Variants in LRP2 observed in about 807,000 individuals in gnomAD.
The protein encoded by LRP2 is low-density lipoprotein receptor-related protein 2.
In LRP2, 172 loss-of-function variants were observed where a neutral mutation model predicts 531.0. The observed-to-expected ratio is 0.32, with a 90% CI of 0.29 to 0.37. The LOEUF (loss-of-function observed/expected upper bound fraction) is 0.37. Ranked by LOEUF, LRP2 falls within the 10% of genes least tolerant of loss-of-function variation. The pLI is 1.00. For synonymous variants in LRP2, 1,992 were observed against 2,027.6 expected (o/e 0.98, Z 0.47); for missense variants, 5,167 against 5,868.3 (o/e 0.88, Z 3.90).
At position 169,168,463 on chromosome 2, in the gene LRP2, C is replaced by T. The variant is rs562369969; in HGVS notation, c.11635+76G>A. ...CAATTGTACAACTGCTCTCCAGGCT[C>T]ACATGCTACACGTAAGAAACAATGA... On this transcript the variant is annotated intron_variant, in intron 61 of 78. Coordinates refer to ENST00000649046, the MANE Select transcript of LRP2 (RefSeq NM_004525.3). 87 of 1,570,724 alleles carry T rather than the reference C, an allele frequency of 5.5e-5. No homozygotes were observed. The East Asian group carries it at 6.9e-4, about 13-fold the overall frequency.
At chr2:169,194,244 G>T (rs1687928138) in intron 46 of LRP2, among the ~76,000 whole-genome samples, 1 of 152,028 alleles carries the variant, frequency 6.6e-6, no homozygotes, top group Non-Finnish European at 1.5e-5. Flanking sequence ...AAACCATTTT[G>T]TTTTGTGCAA....
chr2:169,169,404 G>A (rs1342030011), intron 60 of LRP2, among the ~76,000 whole-genome samples: 1 of 152,164 alleles, frequency 6.6e-6, no homozygotes, highest in Non-Finnish European at 1.5e-5. Flanking sequence ...TTTTTTACCT[G>A]AAATGTTTTT....
intron 4 of LRP2, among the ~76,000 whole-genome samples, chr2:169,303,181 T>C (rs191512754): frequency 1.5e-3 from 223 of 152,274 alleles, no homozygotes; most frequent in Non-Finnish European, 2.4e-3. Context: ...GCTTCTTTTG[T>C]ATATGTTAAA....
rs1688793248 is a variant in LRP2, at chr2:169,216,312, A to G, written c.5767T>C (p.Cys1923Arg). The G allele has an allele frequency of 6.2e-7, 1 of 1,613,546 alleles. No homozygotes were observed. Among genetic ancestry groups the G allele is most frequent in the Admixed American group, 1.7e-5 (1 of 59,924 alleles). ...TGCTCTTCGATGTCAAGAGTGACAC[A>G]CTCCAGGTGTTCGAGGTTCCCAGTA... The part of the protein sequence containing the change: ...LFTGNLEHLE[C>R]VTLDIEEQKL... Residue 1923 changes from cysteine (C) to arginine (R), a missense_variant, in exon 35 of 79, where the codon TGT (cysteine) becomes CGT (arginine). Coordinates refer to ENST00000649046, the MANE Select transcript of LRP2 (RefSeq NM_004525.3).
intron 14 of LRP2, among the ~76,000 whole-genome samples, chr2:169,273,505 C>A (rs1253902965): frequency 6.6e-6 from 1 of 152,114 alleles, no homozygotes; most frequent in Non-Finnish European, 1.5e-5. Context: ...ATTAGTCCTC[C>A]AATTTTACAG....
intron 71 of LRP2, among the ~76,000 whole-genome samples, chr2:169,140,940 A>G (rs560210806): frequency 2.6e-5 from 4 of 152,326 alleles, no homozygotes; most frequent in African/African-American, 9.6e-5. Flanking sequence ...TGAAACTTCA[A>G]CTAAAGACAC....
intron 9 of LRP2, among the ~76,000 whole-genome samples, chr2:169,283,992 G>A (rs1479044411): frequency 3.3e-5 from 5 of 152,006 alleles, no homozygotes; most frequent in East Asian, 1.9e-4. Flanking sequence ...CACCCTCCTC[G>A]CTTCCCTGGG....
intron 77 of LRP2, among the ~76,000 whole-genome samples, chr2:169,130,864 A>G (rs1558967545): frequency 1.3e-5 from 2 of 152,184 alleles, no homozygotes; most frequent in South Asian, 2.1e-4. Flanking sequence ...AAGGACTACA[A>G]TTGGTGAAGA....
chr2:169,262,371 T>G (rs1690595493), intron 16 of LRP2, among the ~76,000 whole-genome samples: 1 of 35,238 alleles, frequency 2.8e-5, no homozygotes, highest in Non-Finnish European at 1.1e-4. Flanking sequence ...AAAATCTCCT[T>G]AAGCTGATAA....
chr2:169,321,227 T>A (rs763104800), intron 1 of LRP2, among the ~76,000 whole-genome samples: 11 of 152,226 alleles, frequency 7.2e-5, no homozygotes, highest in Non-Finnish European at 1.2e-4. Context: ...ATCAAAGAAG[T>A]AGACAAAGAT....
At chr2:169,337,325 G>C (rs1243947720) in intron 1 of LRP2, among the ~76,000 whole-genome samples, 1 of 152,156 alleles carries the variant, frequency 6.6e-6, no homozygotes, top group Non-Finnish European at 1.5e-5. Context: ...AGATTGTAGG[G>C]GAACAGAGTA....
Position 169,158,059 on chromosome 2 carries a change from T to TACACAC in LRP2, c.11888-558_11888-557insGTGTGT, listed in dbSNP as rs765403252. ...TTCCCTAACATTGACCAATTGATTATATACACACACACACACACACACACA... is the reference window on the plus strand; with the variant it reads ...TTCCCTAACATTGACCAATTGATTATACACACATACACACACACACACACACACACA... On this transcript the variant is annotated intron_variant, in intron 63 of 78. Coordinates refer to ENST00000649046, the MANE Select transcript of LRP2 (RefSeq NM_004525.3). 3.9e-3 allele frequency among the ~76,000 whole-genome samples: 326 copies of TACACAC among 82,574 alleles called. 1 individual carries two copies. The highest frequency in any genetic ancestry group is 0.01 in the African/African-American group (219 of 20,974). The allele number at this position is 82,574 out of a possible 152,430, so 54.2% of individuals were successfully genotyped here.
chr2:169,313,451 T>A (rs1276556261), intron 3 of LRP2, among the ~76,000 whole-genome samples: 1 of 152,162 alleles, frequency 6.6e-6, no homozygotes, highest in Non-Finnish European at 1.5e-5. Flanking sequence ...CAGCTGCAGG[T>A]CTGTTGGAGT....
At chr2:169,222,575 C>T (rs934959809) in intron 33 of LRP2, among the ~76,000 whole-genome samples, 5 of 152,164 alleles carry the variant, frequency 3.3e-5, no homozygotes, top group Non-Finnish European at 7.3e-5. Context: ...CAATGGATGC[C>T]TGAAACCTCA....
intron 15 of LRP2, among the ~76,000 whole-genome samples, chr2:169,272,212 A>G (rs1270257107): frequency 6.6e-6 from 1 of 152,156 alleles, no homozygotes; most frequent in Non-Finnish European, 1.5e-5. Context: ...AATAAGAAAA[A>G]CAAATATTGT....
intron 53 of LRP2, among the ~76,000 whole-genome samples, chr2:169,176,960 A>T (rs1687217115): frequency 1.3e-5 from 2 of 152,200 alleles, no homozygotes; most frequent in South Asian, 4.1e-4. Context: ...CCTCATTCTA[A>T]GTATACAGGT....
At position 169,238,236 on chromosome 2, in the gene LRP2, T is replaced by G; in HGVS notation, c.4361A>C (p.Gln1454Pro). The change falls in exon 27 of 79, where the codon CAG (glutamine) becomes CCG (proline). Residue 1454 changes from glutamine (Q) to proline (P), a missense_variant. Physicochemically the swap from Gln to Pro is moderately conservative, Grantham distance 76. Coordinates refer to ENST00000649046, the MANE Select transcript of LRP2 (RefSeq NM_004525.3). ...NKIIADSVTS[Q>P]VHNIYSLVEN... ...GACCAATGAATAGATATTGTGGACC[T>G]GGGAGGTGACACTGTCGGCAATAAT... 6.2e-7 allele frequency: 1 copy of G among 1,614,120 alleles called. No homozygotes were observed. The highest frequency in any genetic ancestry group is 8.5e-7 in the Non-Finnish European group (1 of 1,180,002).
At chr2:169,284,247 C>CTTTTTTTTTTTT (rs1342396746) in intron 9 of LRP2, among the ~76,000 whole-genome samples, 1 of 72,238 alleles carries the variant, frequency 1.4e-5, no homozygotes, top group Non-Finnish European at 2.9e-5. Flanking sequence ...TTTTCTTTTT[C>CTTTTTTTTTTTT]TTTTTTTTCT....
chr2:169,153,349 A>T (rs1686213477), intron 66 of LRP2, among the ~76,000 whole-genome samples: 1 of 152,216 alleles, frequency 6.6e-6, no homozygotes, highest in South Asian at 2.1e-4. Context: ...AGAGGCAATA[A>T]AGAAGCCATG....
Sources: allele counts gnomAD v4.1 joint callset (sites outside exome capture counted in the v4.1 genomes callset), GRCh38; gene constraint gnomAD v4.1.1; transcripts MANE v1.5; gene names NCBI Gene and HGNC (gene_info 2026-07-23, HGNC 2026-07-21).